Variants in PTER observed in about 807,000 individuals in gnomAD.
The protein encoded by PTER is phosphotriesterase related.
A neutral mutation model predicts 29.6 loss-of-function variants in PTER; 38 were observed. That is an observed-to-expected ratio of 1.28 (90% CI 0.99 to 1.68). The LOEUF (loss-of-function observed/expected upper bound fraction) is 1.68, where lower values mean the gene tolerates loss of function less well. Among genes scored for constraint, PTER ranks in the 40% most tolerant of loss-of-function variants. The probability of loss-of-function intolerance (pLI) is 0.00; values close to 1 mark genes in which losing one functional copy is unlikely to be tolerated. For synonymous variants in PTER, 172 were observed against 154.5 expected (o/e 1.11, Z -0.84); for missense variants, 482 against 427.8 (o/e 1.13, Z -1.12).
At chr10:16,465,562 C>T (rs984694334) in intron 1 of PTER, among the ~76,000 whole-genome samples, 17 of 152,068 alleles carry the variant, frequency 1.1e-4, no homozygotes, top group Non-Finnish European at 2.1e-4. Context: ...GACATAATGC[C>T]AACGAAAACA....
rs1254181275 is a variant in PTER, at chr10:16,484,563, T to C, written c.179T>C (p.Ile60Thr). Residue 60 changes from isoleucine (I) to threonine (T), a missense_variant, in exon 2 of 5, where the codon ATT (isoleucine) becomes ACT (threonine). Transcript: ENST00000535784. ...EPIVMKNLYW[I>T]QKNAYSHKEN... Reference sequence around the variant, plus strand: ...ATCGTGATGAAAAATTTATATTGGATTCAGAAAAACGCCTATTCCCATAAA... The same window carrying C: ...ATCGTGATGAAAAATTTATATTGGACTCAGAAAAACGCCTATTCCCATAAA... 6.2e-7 allele frequency: 1 copy of C among 1,614,024 alleles called. No homozygotes were observed. The highest frequency in any genetic ancestry group is 1.7e-5 in the Admixed American group (1 of 59,978).
chr10:16,458,962 C>T (rs2133387693), intron 1 of PTER, among the ~76,000 whole-genome samples: 1 of 152,068 alleles, frequency 6.6e-6, no homozygotes, highest in East Asian at 1.9e-4. Flanking sequence ...TTTATATATA[C>T]AACAAAATTA....
intron 1 of PTER, among the ~76,000 whole-genome samples, chr10:16,484,054 A>G (rs1835584786): frequency 6.6e-6 from 1 of 152,214 alleles, no homozygotes; most frequent in Non-Finnish European, 1.5e-5. Flanking sequence ...AAGAAAAGTG[A>G]ACTGAATATC....
rs1342225559 is a variant in PTER, at chr10:16,513,223, A to G, written c.*1967A>G. On this transcript the variant is annotated 3_prime_UTR_variant, in exon 5 of 5. Coordinates refer to ENST00000535784, the MANE Select transcript of PTER (RefSeq NM_001261836.2). ...AATTAATTTTCTGGATAACTCTTAA[A>G]GAGAAGTCATTTTAACTGTTTTTGC... The G allele has an allele frequency of 6.6e-6, 1 of 152,416 alleles. No individual in the cohort carries two copies. Among genetic ancestry groups the G allele is most frequent in the Non-Finnish European group, 1.5e-5 (1 of 67,978 alleles). 9.4% of individuals were successfully genotyped at this position (152,416 alleles called of 1,614,324 possible). A position where few individuals can be genotyped will look rare whatever the true frequency, so the allele number is the denominator to read the frequency against.
intron 3 of PTER, 133 bp downstream of exon 3, chr10:16,486,750 T>C: frequency 9.5e-7 from 1 of 1,057,300 alleles, no homozygotes; most frequent in Non-Finnish European, 1.3e-6. Context: ...GAAGGTAGTA[T>C]TTATAAAGTT....
At chr10:16,468,374 CT>C (rs5783507) in intron 1 of PTER, among the ~76,000 whole-genome samples, 89,764 of 148,550 alleles carry the variant, frequency 0.6, 27,627 homozygotes, top group East Asian at 0.81. Context: ...ATGTTTAGCT[CT>C]TTTTTTTTTT....
At chr10:16,467,997 C>A (rs1455429392) in intron 1 of PTER, among the ~76,000 whole-genome samples, 2 of 152,104 alleles carry the variant, frequency 1.3e-5, no homozygotes, top group African/African-American at 4.8e-5. Context: ...CGTAAAAGGG[C>A]TGTGCTGTGA....
intron 3 of PTER, among the ~76,000 whole-genome samples, chr10:16,499,967 A>G (rs1836270911): frequency 1.3e-5 from 2 of 151,108 alleles, no homozygotes. Flanking sequence ...TCCTGGGCTC[A>G]AGCAACCCTC....
intron 1 of PTER, among the ~76,000 whole-genome samples, chr10:16,474,654 G>A (rs112915573): frequency 0.12 from 18,527 of 151,940 alleles, 1,370 homozygotes; most frequent in South Asian, 0.23. Flanking sequence ...TTGAGAGGCC[G>A]AGGCAGGTGG....
downstream of PTER, among the ~76,000 whole-genome samples, chr10:16,515,699 A>G (rs1836939714): frequency 6.6e-6 from 1 of 152,200 alleles, no homozygotes; most frequent in African/African-American, 2.4e-5. Flanking sequence ...ATTAGGCTTC[A>G]TATTCATTTA....
chr10:16,478,680 A>G (rs1408750393), intron 1 of PTER, among the ~76,000 whole-genome samples: 1 of 152,042 alleles, frequency 6.6e-6, no homozygotes, highest in Non-Finnish European at 1.5e-5. Context: ...CTAAACAGAG[A>G]AATTTGGGAA....
chr10:16,495,245 A>G (rs1836050896), intron 3 of PTER, among the ~76,000 whole-genome samples: 1 of 146,580 alleles, frequency 6.8e-6, no homozygotes, highest in East Asian at 2.0e-4. Flanking sequence ...ATCTCAGCTC[A>G]CTGCAACCTC....
At chr10:16,478,764 G>A (rs1001308418) in intron 1 of PTER, among the ~76,000 whole-genome samples, 2 of 152,180 alleles carry the variant, frequency 1.3e-5, no homozygotes, top group African/African-American at 4.8e-5. Context: ...GGTGACTTGA[G>A]GTTGACTGGC....
intron 4 of PTER, among the ~76,000 whole-genome samples, chr10:16,508,302 T>A (rs996610557): frequency 1.3e-5 from 2 of 152,086 alleles, no homozygotes; most frequent in Admixed American, 1.3e-4. Flanking sequence ...TCTCCTGACC[T>A]CGTGATCCGC....
At chr10:16,451,980 C>T (rs532329378) in intron 1 of PTER, among the ~76,000 whole-genome samples, 5 of 152,186 alleles carry the variant, frequency 3.3e-5, no homozygotes, top group African/African-American at 1.2e-4. Flanking sequence ...TGCCTGTGTA[C>T]TACCTTTACC....
intron 1 of PTER, among the ~76,000 whole-genome samples, chr10:16,477,429 G>A (rs890980329): frequency 3.3e-5 from 5 of 151,874 alleles, no homozygotes; most frequent in East Asian, 1.9e-4. Flanking sequence ...CACCCACCTC[G>A]GCCTTCCAAA....
At chr10:16,474,616 C>T (rs956531114) in intron 1 of PTER, among the ~76,000 whole-genome samples, 5 of 151,882 alleles carry the variant, frequency 3.3e-5, no homozygotes, top group African/African-American at 9.7e-5. Context: ...GGTCAGGCTT[C>T]GTGGGTGACA....
At position 16,486,628 on chromosome 10, in the gene PTER, T is replaced by A; in HGVS notation, c.698+11T>A. 6.3e-7 allele frequency: 1 copy of A among 1,598,372 alleles called. No individual in the cohort carries two copies. Among genetic ancestry groups the A allele is most frequent in the Non-Finnish European group, 8.5e-7 (1 of 1,171,156 alleles). ...GTCACACCTGGATAGGTAAGTAGGC[T>A]GTCTTACAAATGGATGCAAACTGCC... is the stretch of plus-strand genomic sequence containing the variant. On this transcript the variant is annotated intron_variant, in intron 3 of 4. Transcript: ENST00000535784.
At chr10:16,491,632 C>A (rs1588621278) in intron 3 of PTER, among the ~76,000 whole-genome samples, 2 of 152,192 alleles carry the variant, frequency 1.3e-5, no homozygotes, top group East Asian at 3.9e-4. Context: ...CAAATCATTT[C>A]ATTTCCCCCA....
Sources: gnomAD v4.1 joint callset for allele counts (sites outside exome capture counted in the v4.1 genomes callset) on GRCh38, gnomAD v4.1.1 for gene constraint, MANE v1.5 for transcripts, NCBI Gene and HGNC (gene_info 2026-07-23, HGNC 2026-07-21) for gene names.